The following PHF20L1 variants were observed in gnomAD, a reference collection of about 807,000 sequenced individuals.
PHF20L1 encodes the protein PHD finger protein 20-like protein 1.
PHF20L1 carries 44 observed loss-of-function variants against 125.5 expected under a neutral mutation model. The ratio of observed to expected loss-of-function variants is 0.35; its 90% confidence interval spans 0.28 to 0.45. The LOEUF is 0.45. PHF20L1 is among the 20% of genes least tolerant of loss of function. The pLI, the probability that PHF20L1 is intolerant of heterozygous loss-of-function variation, is 1.00. For synonymous variants in PHF20L1, 380 were observed against 403.1 expected (o/e 0.94, Z 0.69); for missense variants, 1,012 against 1,217.2 (o/e 0.83, Z 2.51).
chr8:132,779,997 A>G (rs1830246375), intron 2 of PHF20L1, among the ~76,000 whole-genome samples: 1 of 152,206 alleles, frequency 6.6e-6, no homozygotes, highest in African/African-American at 2.4e-5. Context: ...GGATAATCAC[A>G]TATTATCACT....
chr8:132,788,591 C>T (rs1586867619), intron 2 of PHF20L1, among the ~76,000 whole-genome samples: 1 of 124,896 alleles, frequency 8.0e-6, no homozygotes, highest in South Asian at 2.7e-4. Context: ...GTCATTTTCT[C>T]ATGGTTGACT....
chr8:132,825,021 G>A (rs758764618), intron 13 of PHF20L1: 2 of 1,423,998 alleles, frequency 1.4e-6, no homozygotes, highest in Admixed American at 3.7e-5. Context: ...ACTACTGTCT[G>A]TGTTAACTTT....
intron 6 of PHF20L1, among the ~76,000 whole-genome samples, chr8:132,801,125 A>G (rs1832995351): frequency 6.6e-6 from 1 of 151,580 alleles, no homozygotes; most frequent in Non-Finnish European, 1.5e-5. Flanking sequence ...AGGGTGAGAG[A>G]TTGAGCCATT....
chr8:132,785,702 G>A (rs914385768), intron 2 of PHF20L1, among the ~76,000 whole-genome samples: 1 of 152,012 alleles, frequency 6.6e-6, no homozygotes, highest in African/African-American at 2.4e-5. Context: ...TGTTATTTCA[G>A]TAATTATAAT....
At chr8:132,831,673 A>G (rs1414004491) in intron 14 of PHF20L1, among the ~76,000 whole-genome samples, 1 of 151,974 alleles carries the variant, frequency 6.6e-6, no homozygotes, top group Non-Finnish European at 1.5e-5. Context: ...GGTTGGTACA[A>G]AAGTACCTCA....
Position 132,844,258 on chromosome 8 carries a change from A to C in PHF20L1, c.2851A>C (p.Ile951Leu), listed in dbSNP as rs200125573. 2.5e-6 allele frequency: 4 copies of C among 1,612,684 alleles called. No individual in the cohort carries two copies. Among genetic ancestry groups the C allele is most frequent in the African/African-American group, 1.3e-5 (1 of 74,848 alleles). Reference sequence around the variant, plus strand: ...GTGGCAGCTCAATCTCCTTACACACATAGAAAATGTGCAGAACGAAGTTAC... The same window carrying C: ...GTGGCAGCTCAATCTCCTTACACACCTAGAAAATGTGCAGAACGAAGTTAC... ...LQWQLNLLTH[I>L]ENVQNEVTSR... is the part of the protein sequence containing the mutation. Residue 951 changes from isoleucine to leucine, a missense_variant, in exon 20 of 21, where the codon ATA (isoleucine) becomes CTA (leucine). Transcript: ENST00000395386.
chr8:132,806,176 G>T (rs1466376689), intron 8 of PHF20L1, among the ~76,000 whole-genome samples: 1 of 151,814 alleles, frequency 6.6e-6, no homozygotes, highest in African/African-American at 2.4e-5. Flanking sequence ...CTTCAATTTG[G>T]ATAACCTGCT....
chr8:132,791,293 T>G (rs1420860247), intron 2 of PHF20L1, among the ~76,000 whole-genome samples: 1 of 147,716 alleles, frequency 6.8e-6, no homozygotes, highest in Middle Eastern at 3.2e-3. Flanking sequence ...GGAGTTTCAC[T>G]ATTGTTGCCC....
At chr8:132,783,294 A>C (rs540192207) in intron 2 of PHF20L1, among the ~76,000 whole-genome samples, 1 of 152,204 alleles carries the variant, frequency 6.6e-6, no homozygotes, top group Non-Finnish European at 1.5e-5. Flanking sequence ...AACAGTATAA[A>C]TTTGAATTGG....
intron 14 of PHF20L1, among the ~76,000 whole-genome samples, chr8:132,830,477 G>C (rs1241988511): frequency 6.6e-6 from 1 of 152,038 alleles, no homozygotes; most frequent in Non-Finnish European, 1.5e-5. Flanking sequence ...TGGATACTTA[G>C]CACAGACCAA....
At chr8:132,807,602 A>G in intron 8 of PHF20L1, 2 of 392,024 alleles carry the variant, frequency 5.1e-6, no homozygotes, top group East Asian at 7.7e-5. Context: ...CAGCAAGAAG[A>G]TTGTGTTTTG....
chr8:132,796,356 A>T (rs1832390526), intron 4 of PHF20L1, among the ~76,000 whole-genome samples: 1 of 152,042 alleles, frequency 6.6e-6, no homozygotes, highest in Non-Finnish European at 1.5e-5. Context: ...TTTTATATGG[A>T]GGTGATGGGA....
intron 14 of PHF20L1, among the ~76,000 whole-genome samples, chr8:132,828,339 T>C (rs924387211): frequency 2.0e-5 from 3 of 151,712 alleles, no homozygotes; most frequent in African/African-American, 7.3e-5. Context: ...TGAGAGAGAG[T>C]GAGAAAGAGA....
At chr8:132,778,727 C>T (rs1044251724) in intron 2 of PHF20L1, among the ~76,000 whole-genome samples, 1 of 152,256 alleles carries the variant, frequency 6.6e-6, no homozygotes, top group Admixed American at 6.5e-5. Context: ...GGTTAACTGG[C>T]CCCTCATTCT....
chr8:132,848,456 C>G lies in PHF20L1; in HGVS notation c.*2533C>G, dbSNP rs1008291318. The G allele has an allele frequency of 7.2e-5, 11 of 152,544 alleles. No homozygotes were observed. Among genetic ancestry groups the G allele is most frequent in the African/African-American group, 2.6e-4 (11 of 41,540 alleles). 9.4% of individuals were successfully genotyped at this position (152,544 alleles called of 1,614,324 possible). A position where few individuals can be genotyped will look rare whatever the true frequency, so the allele number is the denominator to read the frequency against. ...TTTCTTTTAGTCTTTTTAAATATCA[C>G]TATATGTATTTAAATAGAAGCAATA... On this transcript the variant is annotated 3_prime_UTR_variant, in exon 21 of 21. Transcript: ENST00000395386.
At chr8:132,816,864 T>G in intron 10 of PHF20L1, 24 bp from the exon 11 acceptor site, 1 of 1,547,218 alleles carries the variant, frequency 6.5e-7, no homozygotes, top group Non-Finnish European at 8.9e-7. Context: ...ATCTGCTTCG[T>G]GAACATTGAA....
chr8:132,840,649 T>G (rs1304913998), intron 18 of PHF20L1, among the ~76,000 whole-genome samples: 2 of 152,078 alleles, frequency 1.3e-5, no homozygotes, highest in Non-Finnish European at 2.9e-5. Flanking sequence ...CCATAATCCC[T>G]AAATGAAGCA....
chr8:132,778,748 C>T (rs1830099121), intron 2 of PHF20L1, among the ~76,000 whole-genome samples: 1 of 152,140 alleles, frequency 6.6e-6, no homozygotes, highest in Non-Finnish European at 1.5e-5. Context: ...GCTGTCTTGG[C>T]AGATGTCTTT....
At chr8:132,796,888 C>T (rs1252552256) in intron 4 of PHF20L1, among the ~76,000 whole-genome samples, 3 of 151,964 alleles carry the variant, frequency 2.0e-5, no homozygotes, top group Admixed American at 6.6e-5. Flanking sequence ...CAGTCATTGC[C>T]CTCTACATTA....
Sources: gnomAD v4.1 joint callset for allele counts (sites outside exome capture counted in the v4.1 genomes callset) on GRCh38, gnomAD v4.1.1 for gene constraint, MANE v1.5 for transcripts, NCBI Gene and HGNC (gene_info 2026-07-23, HGNC 2026-07-21) for gene names.